The following MITF variants were observed in gnomAD, a reference collection of about 807,000 sequenced individuals.
MITF encodes the protein microphthalmia-associated transcription factor.
Under a neutral mutation model 60.5 loss-of-function variants are expected in MITF, and 17 were observed. The ratio of observed to expected loss-of-function variants is 0.28; its 90% confidence interval spans 0.19 to 0.42. The LOEUF is 0.42. Ranked by LOEUF, MITF falls within the 10% of genes least tolerant of loss-of-function variation. The pLI, the probability that MITF is intolerant of heterozygous loss-of-function variation, is 1.00. For missense variants in MITF, 622 were observed against 683.5 expected (o/e 0.91, Z 1.00); for synonymous variants, 260 against 248.5 (o/e 1.05, Z -0.43).
chr3:69,883,941 A>G (rs1277042850), intron 2 of MITF, among the ~76,000 whole-genome samples: 1 of 152,110 alleles, frequency 6.6e-6, no homozygotes, highest in East Asian at 1.9e-4. Context: ...TTGTTTTTGA[A>G]TCAATGTTGG....
At chr3:69,834,846 C>CTTTTTTT (rs71126468) in intron 1 of MITF, among the ~76,000 whole-genome samples, 2 of 129,670 alleles carry the variant, frequency 1.5e-5, no homozygotes, top group Non-Finnish European at 1.6e-5. Flanking sequence ...GTTTTCTTTT[C>CTTTTTTT]TTTTTTTTTT....
At chr3:69,900,849 C>CT (rs1457055239) in intron 2 of MITF, among the ~76,000 whole-genome samples, 1 of 152,046 alleles carries the variant, frequency 6.6e-6, no homozygotes, top group Non-Finnish European at 1.5e-5. Flanking sequence ...ATATTATGTA[C>CT]TTTATGAAAT....
At chr3:69,822,550 A>G (rs902701761) in intron 1 of MITF, among the ~76,000 whole-genome samples, 1 of 152,236 alleles carries the variant, frequency 6.6e-6, no homozygotes, top group African/African-American at 2.4e-5. Flanking sequence ...CAGAGCTTGC[A>G]TTCCTGTCGA....
intron 1 of MITF, 57 bp downstream of exon 1, chr3:69,739,758 C>A: frequency 1.5e-6 from 2 of 1,299,610 alleles, no homozygotes; most frequent in Non-Finnish European, 2.2e-6. Flanking sequence ...ACTGCGTCTG[C>A]CACTCTGGGG....
intron 1 of MITF, among the ~76,000 whole-genome samples, chr3:69,811,257 A>G (rs2063096158): frequency 6.6e-6 from 1 of 152,186 alleles, no homozygotes; most frequent in Non-Finnish European, 1.5e-5. Flanking sequence ...TTTACATGTT[A>G]TGGCTATTTA....
chr3:69,834,089 G>T (rs2063500081), intron 1 of MITF, among the ~76,000 whole-genome samples: 1 of 152,156 alleles, frequency 6.6e-6, no homozygotes. Flanking sequence ...TTTGACACGT[G>T]TGTGTTGCAT....
At chr3:69,915,694 A>G (rs755564862) in intron 2 of MITF, among the ~76,000 whole-genome samples, 8 of 152,182 alleles carry the variant, frequency 5.3e-5, no homozygotes, top group Middle Eastern at 3.2e-3. Flanking sequence ...GCTAGGCAGT[A>G]AGAAGACCAG....
intron 1 of MITF, among the ~76,000 whole-genome samples, chr3:69,866,645 C>T (rs377519700): frequency 2.6e-5 from 4 of 151,954 alleles, no homozygotes; most frequent in East Asian, 3.9e-4. Flanking sequence ...ACAAAAATAC[C>T]GCGACTGCTT....
intron 2 of MITF, chr3:69,936,941 A>T: frequency 2.5e-5 from 11 of 440,220 alleles, no homozygotes; most frequent in East Asian, 4.0e-5. Context: ...AAATATTAGT[A>T]GGATTCTTTT....
chr3:69,761,644 A>G (rs2062214054), intron 1 of MITF, among the ~76,000 whole-genome samples: 1 of 152,196 alleles, frequency 6.6e-6, no homozygotes, highest in African/African-American at 2.4e-5. Flanking sequence ...CAAAACAAAT[A>G]GTTATATCTA....
In MITF at chr3:69,967,078, A is replaced by C. The variant is rs2066707011; in HGVS notation, c.*1830A>C. Reference sequence around the variant, plus strand: ...TTTTTAAAAAGTGTTTAAATGTCAAATGTGAATTGGTGATGGGTGATGGAG... The same window carrying C: ...TTTTTAAAAAGTGTTTAAATGTCAACTGTGAATTGGTGATGGGTGATGGAG... On this transcript the variant is annotated 3_prime_UTR_variant, in exon 10 of 10. Coordinates refer to ENST00000352241, the MANE Select transcript of MITF (RefSeq NM_001354604.2). 4.3e-6 allele frequency: 1 copy of C among 232,160 alleles called. No homozygotes were observed. The highest frequency in any genetic ancestry group is 8.5e-6 in the Non-Finnish European group (1 of 117,232). 14.4% of individuals were successfully genotyped at this position (232,160 alleles called of 1,614,324 possible). A position where few individuals can be genotyped will look rare whatever the true frequency, so the allele number is the denominator to read the frequency against.
At chr3:69,763,486 A>G (rs1446295723) in intron 1 of MITF, 17 of 1,075,716 alleles carry the variant, frequency 1.6e-5, no homozygotes, top group Non-Finnish European at 1.9e-5. Context: ...TTAAGTAGGC[A>G]GCAATTACTG....
At chr3:69,923,356 T>G (rs1432355962) in intron 2 of MITF, among the ~76,000 whole-genome samples, 1 of 152,220 alleles carries the variant, frequency 6.6e-6, no homozygotes, top group Non-Finnish European at 1.5e-5. Context: ...TTATTTTCTT[T>G]CTTTTGGAGA....
intron 1 of MITF, among the ~76,000 whole-genome samples, chr3:69,784,892 G>T (rs758326247): frequency 6.6e-6 from 1 of 152,206 alleles, no homozygotes. Context: ...TCCAAGGTTT[G>T]TGTTTCATTG....
At chr3:69,938,219 C>T in intron 3 of MITF, 170 bp downstream of exon 3, 11 of 1,111,790 alleles carry the variant, frequency 9.9e-6, no homozygotes, top group African/African-American at 1.5e-5. Context: ...TTGTCTCCAT[C>T]GCTGGGTTAT....
At chr3:69,810,805 CAG>C (rs2063088974) in intron 1 of MITF, among the ~76,000 whole-genome samples, 1 of 152,090 alleles carries the variant, frequency 6.6e-6, no homozygotes, top group Non-Finnish European at 1.5e-5. Context: ...CTGGAAATGA[CAG>C]AGAACAAAAT....
At chr3:69,925,241 G>A (rs1001995857) in intron 2 of MITF, among the ~76,000 whole-genome samples, 1 of 152,028 alleles carries the variant, frequency 6.6e-6, no homozygotes, top group African/African-American at 2.4e-5. Flanking sequence ...AGAAAACTGA[G>A]GTCCAAAGCA....
intron 1 of MITF, among the ~76,000 whole-genome samples, chr3:69,785,817 G>A (rs573042454): frequency 4.6e-5 from 7 of 152,166 alleles, no homozygotes; most frequent in African/African-American, 1.4e-4. Context: ...AAAAGGAATC[G>A]TGGGAGGTGA....
chr3:69,818,464 C>T lies in MITF; in HGVS notation c.105-60670C>T, dbSNP rs140192573. On this transcript the variant is annotated intron_variant, in intron 1 of 9. Transcript: ENST00000352241. Reference sequence around the variant, plus strand: ...TAGCTTCAGTATCCCAGTGTAACCACGTAAGTTCCACTACTGTATGCTTTC... The same window carrying T: ...TAGCTTCAGTATCCCAGTGTAACCATGTAAGTTCCACTACTGTATGCTTTC... Among the ~76,000 whole-genome samples, 250 of 152,254 alleles carry T rather than the reference C, an allele frequency of 1.6e-3. 1 individual carries two copies. Among genetic ancestry groups the T allele is most frequent in the African/African-American group, 5.9e-3 (245 of 41,562 alleles).
Sources: gnomAD v4.1 joint callset for allele counts (sites outside exome capture counted in the v4.1 genomes callset) on GRCh38, gnomAD v4.1.1 for gene constraint, MANE v1.5 for transcripts, NCBI Gene and HGNC (gene_info 2026-07-23, HGNC 2026-07-21) for gene names.